The following THSD7A variants were observed in gnomAD, a reference collection of about 807,000 sequenced individuals.
The protein encoded by THSD7A is thrombospondin type 1 domain containing 7A.
Under a neutral mutation model 231.3 loss-of-function variants are expected in THSD7A, and 96 were observed. The observed-to-expected ratio is 0.41, with a 90% CI of 0.35 to 0.49. THSD7A has a LOEUF of 0.49. THSD7A is among the 20% of genes least tolerant of loss of function. The probability of loss-of-function intolerance (pLI) is 0.05; values close to 1 mark genes in which losing one functional copy is unlikely to be tolerated. For missense variants in THSD7A, 2,290 were observed against 2,070.2 expected (o/e 1.11, Z -2.06); for synonymous variants, 940 against 743.3 (o/e 1.26, Z -4.30).
chr7:11,530,967 T>A (rs1285929958), intron 6 of THSD7A, among the ~76,000 whole-genome samples: 2 of 152,098 alleles, frequency 1.3e-5, no homozygotes, highest in African/African-American at 4.8e-5. Flanking sequence ...GCTGAGATCG[T>A]GCCACTGCAC....
intron 1 of THSD7A, among the ~76,000 whole-genome samples, chr7:11,792,286 T>C (rs1783976858): frequency 6.6e-6 from 1 of 152,004 alleles, no homozygotes; most frequent in Non-Finnish European, 1.5e-5. Context: ...AAAGAGCTTT[T>C]TCACAGTCAG....
At position 11,831,728 on chromosome 7, in the gene THSD7A, T is replaced by C; in HGVS notation, c.190+29A>G. 2 of 1,373,946 alleles carry C rather than the reference T, an allele frequency of 1.5e-6. No homozygotes were observed. The highest frequency in any genetic ancestry group is 1.9e-6 in the Non-Finnish European group (2 of 1,055,916). 85.1% of individuals were successfully genotyped at this position (1,373,946 alleles called of 1,614,324 possible). ...CTTAATGTGGCCCCAGATGTGAAGA[T>C]GGGGAAAGGGTAACTCCGTCCCACT... On this transcript the variant is annotated intron_variant, in intron 1 of 27. Coordinates refer to ENST00000423059, the MANE Select transcript of THSD7A (RefSeq NM_015204.3). The surrounding 1 kb of genome is among the most constrained non-coding windows in gnomAD (Gnocchi z 5.0).
chr7:11,542,539 A>C lies in THSD7A; in HGVS notation c.1609+423T>G, dbSNP rs956457538. Among the ~76,000 whole-genome samples, 15 of 152,164 alleles carry C rather than the reference A, an allele frequency of 9.9e-5. 1 individual carries two copies. Among genetic ancestry groups the C allele is most frequent in the Admixed American group, 6.5e-4 (10 of 15,276 alleles). On this transcript the variant is annotated intron_variant, in intron 5 of 27. Coordinates refer to ENST00000423059, the MANE Select transcript of THSD7A (RefSeq NM_015204.3). ...CTAGGTATGGGTCAGGCACTGAACTAAGTGCTTTATGTTTATCTGATTGAC... is the reference window on the plus strand; with the variant it reads ...CTAGGTATGGGTCAGGCACTGAACTCAGTGCTTTATGTTTATCTGATTGAC...
In THSD7A at chr7:11,406,530, C is replaced by A; in HGVS notation, c.4063-56G>T. ...AAAAGAGAAATACTTCATTAGAGAGCTCATCACTTAGTTATCTCTGCACCA... is the reference window on the plus strand; with the variant it reads ...AAAAGAGAAATACTTCATTAGAGAGATCATCACTTAGTTATCTCTGCACCA... On this transcript the variant is annotated intron_variant, in intron 21 of 27. Transcript: ENST00000423059. This position sits in a 1 kb window ranked among gnomAD's most constrained non-coding sequence, Gnocchi z 4.7. The A allele has an allele frequency of 6.7e-7, 1 of 1,482,318 alleles. No homozygotes were observed. 91.8% of individuals were successfully genotyped at this position (1,482,318 alleles called of 1,614,324 possible). A position where few individuals can be genotyped will look rare whatever the true frequency, so the allele number is the denominator to read the frequency against.
chr7:11,392,629 C>T (rs1241268011), intron 23 of THSD7A, among the ~76,000 whole-genome samples: 4 of 152,228 alleles, frequency 2.6e-5, no homozygotes, highest in Admixed American at 6.5e-5. Flanking sequence ...CTAAGATCCA[C>T]TGGCTTGACA....
chr7:11,659,836 C>A (rs57298572), intron 1 of THSD7A, among the ~76,000 whole-genome samples: 1 of 151,446 alleles, frequency 6.6e-6, no homozygotes, highest in East Asian at 1.9e-4. Flanking sequence ...AATTATAATA[C>A]AAATTTTGCT....
At chr7:11,494,845 C>A (rs193242282) in intron 6 of THSD7A, among the ~76,000 whole-genome samples, 61 of 152,088 alleles carry the variant, frequency 4.0e-4, no homozygotes, top group Admixed American at 3.7e-3. Flanking sequence ...TTACCTAAAC[C>A]TTTATAATAC....
intron 17 of THSD7A, among the ~76,000 whole-genome samples, chr7:11,416,692 T>C (rs1223129189): frequency 6.6e-6 from 1 of 152,232 alleles, no homozygotes; most frequent in Non-Finnish European, 1.5e-5. Flanking sequence ...ATATTAGTTA[T>C]TTTTCTCATG....
chr7:11,534,988 T>C (rs1308470295), intron 6 of THSD7A, among the ~76,000 whole-genome samples: 1 of 152,072 alleles, frequency 6.6e-6, no homozygotes, highest in South Asian at 2.1e-4. Context: ...TAAAAGGAAA[T>C]AAAGAGAAAA....
At chr7:11,652,683 A>G (rs1250446828) in intron 1 of THSD7A, among the ~76,000 whole-genome samples, 1 of 152,044 alleles carries the variant, frequency 6.6e-6, no homozygotes, top group Non-Finnish European at 1.5e-5. Context: ...AGTTGAAATT[A>G]TAAATATACT....
intron 6 of THSD7A, among the ~76,000 whole-genome samples, chr7:11,508,708 T>C (rs1230936198): frequency 6.6e-6 from 1 of 152,214 alleles, no homozygotes; most frequent in Non-Finnish European, 1.5e-5. Context: ...TGTCTATTTA[T>C]GAATGGATAA....
At position 11,541,549 on chromosome 7, in the gene THSD7A, T is replaced by G. The variant is rs200415519; in HGVS notation, c.1692A>C (p.Glu564Asp). ...AGGCAGGCTCTTCACAGGGAATGGC[T>G]TCCAGTAAGTGAGGGCAGTTTCCGG... Reference protein sequence around the residue: ...GVTGNCPHLLEAIPCEEPACY... With the variant: ...GVTGNCPHLLDAIPCEEPACY... The change falls in exon 6 of 28, where the codon GAA becomes GAC. Residue 564 changes from glutamate to aspartate, a missense_variant. Physicochemically the swap from Glu to Asp is conservative, Grantham distance 45. Coordinates refer to ENST00000423059, the MANE Select transcript of THSD7A (RefSeq NM_015204.3). 2.6e-4 allele frequency: 420 copies of G among 1,613,826 alleles called. 1 individual carries two copies. Among genetic ancestry groups the G allele is most frequent in the Non-Finnish European group, 2.1e-5 (25 of 1,179,896 alleles).
chr7:11,571,786 A>C (rs1790644144), intron 4 of THSD7A, among the ~76,000 whole-genome samples: 1 of 151,844 alleles, frequency 6.6e-6, no homozygotes, highest in Non-Finnish European at 1.5e-5. Flanking sequence ...ATCTTTATTC[A>C]CATGTATGTA....
At chr7:11,788,090 C>A (rs1247259763) in intron 1 of THSD7A, among the ~76,000 whole-genome samples, 1 of 152,034 alleles carries the variant, frequency 6.6e-6, no homozygotes, top group Non-Finnish European at 1.5e-5. Flanking sequence ...CTTAATGACA[C>A]CACCATCCTA....
chr7:11,809,093 T>C (rs1647287821), intron 1 of THSD7A, among the ~76,000 whole-genome samples: 1 of 152,174 alleles, frequency 6.6e-6, no homozygotes, highest in Non-Finnish European at 1.5e-5. Context: ...AACCATGTAC[T>C]GATACCTAGT....
intron 4 of THSD7A, among the ~76,000 whole-genome samples, chr7:11,588,055 A>G (rs1043465548): frequency 3.3e-5 from 5 of 152,174 alleles, no homozygotes; most frequent in African/African-American, 9.7e-5. Flanking sequence ...TTACACAGTC[A>G]TGGATTCTTG....
intron 1 of THSD7A, among the ~76,000 whole-genome samples, chr7:11,659,306 G>C (rs1255299187): frequency 6.6e-6 from 1 of 151,554 alleles, no homozygotes; most frequent in Non-Finnish European, 1.5e-5. Context: ...CGAGCGGTCA[G>C]AGAAATCTTT....
intron 13 of THSD7A, among the ~76,000 whole-genome samples, chr7:11,441,231 CA>C (rs1489398367): frequency 6.6e-6 from 1 of 151,862 alleles, no homozygotes; most frequent in Non-Finnish European, 1.5e-5. Flanking sequence ...AAAGAATAAA[CA>C]AGAAACATAA....
intron 1 of THSD7A, among the ~76,000 whole-genome samples, chr7:11,652,276 T>C (rs1273136136): frequency 1.3e-5 from 2 of 152,008 alleles, no homozygotes; most frequent in Non-Finnish European, 2.9e-5. Flanking sequence ...AATTGTTTCC[T>C]TTCTGGCACG....
Sources: gnomAD v4.1 joint callset for allele counts (sites outside exome capture counted in the v4.1 genomes callset) on GRCh38, gnomAD v4.1.1 for gene constraint, Gnocchi (gnomAD v3.1) non-coding constraint, MANE v1.5 for transcripts, NCBI Gene and HGNC (gene_info 2026-07-23, HGNC 2026-07-21) for gene names.